NLRC5: variants seen among roughly 807,000 people sequenced by gnomAD.
NLRC5 encodes NLR family CARD domain containing 5.
Under a neutral mutation model 206.9 loss-of-function variants are expected in NLRC5, and 114 were observed. The ratio of observed to expected loss-of-function variants is 0.55; its 90% CI spans 0.47 to 0.64. NLRC5 has a LOEUF of 0.64. Ranked by LOEUF, NLRC5 falls within the 30% of genes least tolerant of loss-of-function variation. NLRC5 has a pLI of 0.00. For missense variants in NLRC5, 2,008 were observed against 2,305.5 expected, an observed-to-expected ratio of 0.87 and a Z score of 2.64; for synonymous variants, 952 against 962.8, an observed-to-expected ratio of 0.99 and a Z score of 0.21.
intron 10 of NLRC5, among the ~76,000 whole-genome samples, chr16:57,030,382 A>AGATG (rs57070160): frequency 0.63 from 65,696 of 104,588 alleles, 23,131 homozygotes; most frequent in East Asian, 0.83. Flanking sequence ...GTGGATGAAA[A>AGATG]GATGGATGGA....
intron 26 of NLRC5, 119 bp from the exon 27 acceptor site, chr16:57,055,314 C>T: frequency 9.9e-7 from 1 of 1,008,442 alleles, no homozygotes; most frequent in Non-Finnish European, 1.5e-6. Context: ...TCCAGAGGGT[C>T]CAAGCTTGAG....
At chr16:57,074,342 G>T in intron 38 of NLRC5, 1 of 336,212 alleles carries the variant, frequency 3.0e-6, no homozygotes. Context: ...ATGTGTGACC[G>T]CCATTATTAC....
In NLRC5 at chr16:57,021,028, C is replaced by T. The variant is rs182021192; in HGVS notation, c.295+21C>T. ...TGATGGTAAGGGCAGGTGTGAGAGA[C>T]GCAAAGCAGCCGGGCCAGTACCTGC... On this transcript the variant is annotated intron_variant, in intron 3 of 48. Transcript: ENST00000688547. 2.6e-4 allele frequency: 416 copies of T among 1,607,164 alleles called. 1 individual carries two copies. In the African/African-American group the frequency reaches 4.8e-3, roughly 18 times the overall value.
chr16:57,022,152 G>T (rs4784750), intron 3 of NLRC5, 104 bp from the exon 4 acceptor site: 204,477 of 836,948 alleles, frequency 0.24, 27,088 homozygotes, highest in Non-Finnish European at 0.28. Context: ...CCCTTGCTGG[G>T]TATCTCCCTG....
At position 57,021,094 on chromosome 16, in the gene NLRC5, C is replaced by T. The variant is rs1434534542; in HGVS notation, c.295+87C>T. On this transcript the variant is annotated intron_variant, in intron 3 of 48. Coordinates refer to ENST00000688547, the MANE Select transcript of NLRC5 (RefSeq NM_001384950.1). ...GAGGAGCCCAGGGACCCACCTAAGT[C>T]AGAGAGAGGGTGTAGCCCAGCCACG... 5 of 1,229,962 alleles carry T rather than the reference C, an allele frequency of 4.1e-6. No individual in the cohort carries two copies. The African/African-American group carries it at 4.5e-5, about 11-fold the overall frequency. The allele number at this position is 1,229,962 out of a possible 1,614,324, so 76.2% of individuals were successfully genotyped here.
At chr16:57,074,408 C>T in intron 38 of NLRC5, 192 bp from the exon 39 acceptor site, 2 of 586,550 alleles carry the variant, frequency 3.4e-6, no homozygotes, top group South Asian at 1.9e-5. Flanking sequence ...CCTGCCTGAC[C>T]TCAGTAATTC....
In NLRC5 at chr16:57,058,149, G is replaced by A; in HGVS notation, c.3830+1G>A. On this transcript the variant is annotated splice_donor_variant, in intron 28 of 48. Coordinates refer to ENST00000688547, the MANE Select transcript of NLRC5 (RefSeq NM_001384950.1). LOFTEE classifies it high-confidence loss of function. The stretch of plus-strand genomic sequence containing the variant: ...AGGTGCCCATCTCCGGTTTGCTTGA[G>A]TAAGTGGAAAGCAGCATAAAGGACA... 1 of 1,605,602 alleles carries A rather than the reference G, an allele frequency of 6.2e-7. No homozygotes were observed. The highest frequency in any genetic ancestry group is 1.7e-5 in the Admixed American group (1 of 59,408).
chr16:57,070,347 C>T (rs1190556741), intron 37 of NLRC5, among the ~76,000 whole-genome samples, 188 bp from the exon 38 acceptor site: 1 of 152,130 alleles, frequency 6.6e-6, no homozygotes, highest in Non-Finnish European at 1.5e-5. Flanking sequence ...ACTATCATGC[C>T]TACCCAGAGC....
chr16:57,059,769 C>G (rs2066179882), intron 30 of NLRC5, among the ~76,000 whole-genome samples: 1 of 152,178 alleles, frequency 6.6e-6, no homozygotes, highest in Admixed American at 6.5e-5. Context: ...CCCAACTCAG[C>G]CCAACATTCT....
chr16:57,074,914 A>C (rs1437047498), intron 39 of NLRC5, among the ~76,000 whole-genome samples: 2 of 151,396 alleles, frequency 1.3e-5, no homozygotes, highest in Non-Finnish European at 2.9e-5. Context: ...ACGTCGTAGA[A>C]CAACCCTTGA....
intron 1 of NLRC5, among the ~76,000 whole-genome samples, chr16:57,015,918 T>C (rs1225907237): frequency 3.4e-4 from 10 of 29,798 alleles, no homozygotes; most frequent in East Asian, 8.7e-4. Context: ...AGAATGAAAC[T>C]CCATCTCAAA....
Position 57,026,338 on chromosome 16 carries a change from G to T in NLRC5, c.1395G>T (p.Leu465=). The stretch of plus-strand genomic sequence containing the variant: ...TACTGGACCTGGGGGAGGTGGCCCT[G>T]AGGGGCCTGGAGACAGGGAAGGTTA... ...SSLLDLGEVA[L]RGLETGKVIF... Residue 465 remains leucine, a synonymous_variant, in exon 6 of 49, where the codon CTG becomes CTT. Transcript: ENST00000688547. 1 of 1,613,986 alleles carries T rather than the reference G, an allele frequency of 6.2e-7. No individual in the cohort carries two copies.
intron 23 of NLRC5, among the ~76,000 whole-genome samples, chr16:57,050,812 T>G (rs1369204886): frequency 6.6e-6 from 1 of 152,214 alleles, no homozygotes; most frequent in Non-Finnish European, 1.5e-5. Context: ...GAATTTCCAC[T>G]GTCATATCCA....
intron 1 of NLRC5, among the ~76,000 whole-genome samples, chr16:57,014,323 T>G (rs1401141889): frequency 6.6e-6 from 1 of 152,192 alleles, no homozygotes; most frequent in East Asian, 1.9e-4. Context: ...TTTGGCCAAT[T>G]TTTTTCCATT....
At chr16:56,995,931 G>A (rs2057546718) in intron 1 of NLRC5, among the ~76,000 whole-genome samples, 1 of 152,110 alleles carries the variant, frequency 6.6e-6, no homozygotes, top group Non-Finnish European at 1.5e-5. Context: ...ATGTGGAGAG[G>A]GCATCCGATT....
chr16:57,047,691 G>A, intron 23 of NLRC5, 63 bp downstream of exon 23: 1 of 1,382,860 alleles, frequency 7.2e-7, no homozygotes, highest in Non-Finnish European at 1.0e-6. Flanking sequence ...GACCTGGGAG[G>A]GGGCTTCTTG....
rs757834445 is a variant in NLRC5 at position 57,070,572 on chromosome 16, G to T, written c.4621G>T (p.Ala1541Ser). Residue 1541 changes from alanine to serine, a missense_variant, in exon 38 of 49, where the codon GCG becomes TCG. Ala to Ser is a moderately conservative substitution (Grantham distance 99). Coordinates refer to ENST00000688547, the MANE Select transcript of NLRC5 (RefSeq NM_001384950.1). ...TCAATTTGATGAGGAGGGCACCAAG[G>T]CGCTGATGAGGGCCCTTGAGGGGAA... ...NNQFDEEGTK[A>S]LMRALEGKWM... 6.2e-7 allele frequency: 1 copy of T among 1,614,160 alleles called. No homozygotes were observed. Among genetic ancestry groups the T allele is most frequent in the South Asian group, 1.1e-5 (1 of 91,092 alleles).
intron 4 of NLRC5, among the ~76,000 whole-genome samples, chr16:57,023,520 T>C (rs1684574): frequency 1 from 151,656 of 152,324 alleles, 75,499 homozygotes; most frequent in Middle Eastern, 1. Context: ...TGCTGGCTGT[T>C]GGCCCTGCTT....
chr16:57,026,964 T>C lies in NLRC5; in HGVS notation c.2021T>C (p.Leu674Pro). ...PIHLDFDGCP[L>P]EPHCPEALVG... ...CACCTGGATTTTGATGGCTGTCCCC[T>C]GGAGCCCCACTGCCCTGAGGCTCTG... Residue 674 changes from leucine to proline, a missense_variant, in exon 6 of 49, where the codon CTG (leucine) becomes CCG (proline). Physicochemically the swap from Leu to Pro is moderately conservative, Grantham distance 98. Transcript: ENST00000688547. 6.2e-7 allele frequency: 1 copy of C among 1,614,120 alleles called. No individual in the cohort carries two copies. The highest frequency in any genetic ancestry group is 8.5e-7 in the Non-Finnish European group (1 of 1,180,010).
Sources: allele counts gnomAD v4.1 joint callset (sites outside exome capture counted in the v4.1 genomes callset), GRCh38; gene constraint gnomAD v4.1.1; transcripts MANE v1.5; gene names NCBI Gene and HGNC (gene_info 2026-07-23, HGNC 2026-07-21).